Variants in TNFRSF8 observed in about 807,000 individuals in gnomAD.
The protein encoded by TNFRSF8 is tumor necrosis factor receptor superfamily member 8.
A neutral mutation model predicts 70.8 loss-of-function variants in TNFRSF8; 26 were observed. That is an observed-to-expected ratio of 0.37 (90% CI 0.27 to 0.51). The LOEUF is 0.51. TNFRSF8 is among the 20% of genes least tolerant of loss of function. The pLI is 0.94. For synonymous variants in TNFRSF8, 356 were observed against 339.2 expected, an observed-to-expected ratio of 1.05 and a Z score of -0.54; for missense variants, 720 against 807.9, an observed-to-expected ratio of 0.89 and a Z score of 1.32.
At position 12,063,893 on chromosome 1, in the gene TNFRSF8, G is replaced by A. The variant is rs1343209333; in HGVS notation, c.63+232G>A. On this transcript the variant is annotated intron_variant, in intron 1 of 14. Transcript: ENST00000263932. This position sits in a 1 kb window ranked among gnomAD's most constrained non-coding sequence, Gnocchi z 7.2. The stretch of plus-strand genomic sequence containing the variant: ...TTCTCACCCCGCGATGGCTGGGACT[G>A]ATTCATTCATTCAGTGTGAATTGGA... 6.6e-6 allele frequency among the ~76,000 whole-genome samples: 1 copy of A among 152,214 alleles called. No individual in the cohort carries two copies. Among genetic ancestry groups the A allele is most frequent in the Admixed American group, 6.5e-5 (1 of 15,286 alleles).
At chr1:12,136,976 G>A (rs1642158269) in intron 13 of TNFRSF8, among the ~76,000 whole-genome samples, 1 of 151,018 alleles carries the variant, frequency 6.6e-6, no homozygotes, top group Non-Finnish European at 1.5e-5. Flanking sequence ...AATAGTGGAG[G>A]GAAGGTCAGC....
At chr1:12,075,762 G>A (rs548661812) in intron 1 of TNFRSF8, among the ~76,000 whole-genome samples, 6 of 152,160 alleles carry the variant, frequency 3.9e-5, no homozygotes, top group South Asian at 4.1e-4. Context: ...GACAAGCATC[G>A]CCGTTTTAAA....
At chr1:12,139,529 C>T (rs1642216411) in intron 14 of TNFRSF8, among the ~76,000 whole-genome samples, 1 of 152,206 alleles carries the variant, frequency 6.6e-6, no homozygotes, top group African/African-American at 2.4e-5. Flanking sequence ...GGTGTCCTAG[C>T]ACCCAGTGGT....
At chr1:12,087,794 A>T (rs1641180526) in intron 2 of TNFRSF8, among the ~76,000 whole-genome samples, 1 of 152,152 alleles carries the variant, frequency 6.6e-6, no homozygotes, top group Non-Finnish European at 1.5e-5. Context: ...GAAAAATGAC[A>T]TCTCAGGTCC....
At chr1:12,118,460 A>G (rs1332585111) in intron 8 of TNFRSF8, among the ~76,000 whole-genome samples, 1 of 152,210 alleles carries the variant, frequency 6.6e-6, no homozygotes, top group African/African-American at 2.4e-5. Flanking sequence ...TTTGTAAGAA[A>G]AACCAGCCCT....
intron 12 of TNFRSF8, 101 bp from the exon 13 acceptor site, chr1:12,135,487 C>A: frequency 6.5e-7 from 1 of 1,538,382 alleles, no homozygotes; most frequent in African/African-American, 1.4e-5. Flanking sequence ...CTGAGTTCAG[C>A]ACCACCTGTG....
chr1:12,104,070 C>T (rs542669825), intron 3 of TNFRSF8, among the ~76,000 whole-genome samples: 4 of 152,074 alleles, frequency 2.6e-5, no homozygotes, highest in African/African-American at 4.8e-5. Flanking sequence ...TTTACTGTCT[C>T]GATAGTTTCA....
At chr1:12,137,996 G>A (rs1026363282) in intron 13 of TNFRSF8, among the ~76,000 whole-genome samples, 1 of 152,196 alleles carries the variant, frequency 6.6e-6, no homozygotes, top group African/African-American at 2.4e-5. Flanking sequence ...GCCAACGGAC[G>A]TGGCGAGCAC....
chr1:12,121,120 A>G (rs2101022327), intron 8 of TNFRSF8, among the ~76,000 whole-genome samples: 1 of 152,324 alleles, frequency 6.6e-6, no homozygotes, highest in African/African-American at 2.4e-5. Flanking sequence ...ACTGAAACCC[A>G]ATGACCTTTC....
chr1:12,076,388 C>A (rs1011582128), intron 1 of TNFRSF8, among the ~76,000 whole-genome samples: 14 of 152,138 alleles, frequency 9.2e-5, no homozygotes, highest in African/African-American at 3.4e-4. Flanking sequence ...GCGTGAGCTA[C>A]CGTGCCCGGC....
intron 12 of TNFRSF8, among the ~76,000 whole-genome samples, chr1:12,129,578 C>A (rs1198077834): frequency 6.6e-6 from 1 of 152,156 alleles, no homozygotes; most frequent in Non-Finnish European, 1.5e-5. Context: ...CTTTCACTTA[C>A]TGGGAAGAGC....
At chr1:12,097,358 CCT>C (rs1471153649) in intron 3 of TNFRSF8, 141 bp downstream of exon 3, 1 of 597,888 alleles carries the variant, frequency 1.7e-6, no homozygotes, top group African/African-American at 1.8e-5. Context: ...CCTCAGTTTA[CCT>C]CTCTGCATTT....
chr1:12,068,089 A>G (rs780210640), intron 1 of TNFRSF8, among the ~76,000 whole-genome samples: 1 of 152,156 alleles, frequency 6.6e-6, no homozygotes, highest in Non-Finnish European at 1.5e-5. Context: ...GCTCCCACTC[A>G]TATCTGACTT....
intron 2 of TNFRSF8, among the ~76,000 whole-genome samples, chr1:12,095,123 G>T (rs1229574687): frequency 6.6e-6 from 1 of 152,186 alleles, no homozygotes; most frequent in Non-Finnish European, 1.5e-5. Flanking sequence ...AGTGGTAATT[G>T]TAGTACACGG....
intron 3 of TNFRSF8, among the ~76,000 whole-genome samples, chr1:12,101,755 A>G (rs760067407): frequency 1.3e-5 from 2 of 152,060 alleles, no homozygotes; most frequent in Non-Finnish European, 2.9e-5. Flanking sequence ...ATCTCGGCTC[A>G]CTGCAACCTG....
In TNFRSF8 at chr1:12,110,733, G is replaced by T. The variant is rs1465867118; in HGVS notation, c.676+529G>T. Among the ~76,000 whole-genome samples, 1 of 152,082 alleles carries T rather than the reference G, an allele frequency of 6.6e-6. No individual in the cohort carries two copies. Among genetic ancestry groups the T allele is most frequent in the South Asian group, 2.1e-4 (1 of 4,814 alleles). ...CCTGCCTCAGCCTCCTGAGTAGCTGGGATTACAGGTGCCCACCACCACGCC... is the reference window on the plus strand; with the variant it reads ...CCTGCCTCAGCCTCCTGAGTAGCTGTGATTACAGGTGCCCACCACCACGCC... On this transcript the variant is annotated intron_variant, in intron 6 of 14. Coordinates refer to ENST00000263932, the MANE Select transcript of TNFRSF8 (RefSeq NM_001243.5). This position sits in a 1 kb window ranked among gnomAD's most constrained non-coding sequence, Gnocchi z 4.0.
chr1:12,134,952 A>G (rs540675397), intron 12 of TNFRSF8, among the ~76,000 whole-genome samples: 242 of 152,118 alleles, frequency 1.6e-3, no homozygotes, highest in African/African-American at 5.8e-3. Context: ...CTCGTGAACC[A>G]ATCCTTGCAT....
At position 12,110,825 on chromosome 1, in the gene TNFRSF8, C is replaced by T. The variant is rs569332216; in HGVS notation, c.676+621C>T. 1.7e-4 allele frequency among the ~76,000 whole-genome samples: 26 copies of T among 151,282 alleles called. No individual in the cohort carries two copies. In the South Asian group the frequency reaches 2.3e-3, roughly 13 times the overall value. On this transcript the variant is annotated intron_variant, in intron 6 of 14. Coordinates refer to ENST00000263932, the MANE Select transcript of TNFRSF8 (RefSeq NM_001243.5). This position sits in a 1 kb window ranked among gnomAD's most constrained non-coding sequence, Gnocchi z 4.0. ...GTTGGTCAGGCTGGTCTCGAACTCCCGACCTCAGGTGATCCGCCCACCTCG... is the reference window on the plus strand; with the variant it reads ...GTTGGTCAGGCTGGTCTCGAACTCCTGACCTCAGGTGATCCGCCCACCTCG...
chr1:12,120,521 A>G (rs1268573538), intron 8 of TNFRSF8, among the ~76,000 whole-genome samples: 1 of 152,234 alleles, frequency 6.6e-6, no homozygotes, highest in Non-Finnish European at 1.5e-5. Flanking sequence ...AAATATGAAG[A>G]TGAAATTTCA....
Sources: gnomAD v4.1 joint callset for allele counts (sites outside exome capture counted in the v4.1 genomes callset) on GRCh38, gnomAD v4.1.1 for gene constraint, Gnocchi (gnomAD v3.1) non-coding constraint, MANE v1.5 for transcripts, NCBI Gene and HGNC (gene_info 2026-07-23, HGNC 2026-07-21) for gene names.